GAA: variants seen among roughly 807,000 people sequenced by gnomAD.
GAA encodes lysosomal alpha-glucosidase.
In GAA, 88 loss-of-function variants were observed where a neutral mutation model predicts 103.9. The observed-to-expected ratio is 0.85, with a 90% CI of 0.71 to 1.01. The LOEUF is 1.01. Ranked by LOEUF, GAA falls within the 50% of genes least tolerant of loss-of-function variation. GAA has a pLI of 0.00. For synonymous variants in GAA, 572 were observed against 563.1 expected, an observed-to-expected ratio of 1.02 and a Z score of -0.22; for missense variants, 1,350 against 1,305.3, an observed-to-expected ratio of 1.03 and a Z score of -0.53.
At chr17:80,105,950 C>T (rs568152860) in intron 3 of GAA, 56 bp downstream of exon 3, 16 of 1,542,680 alleles carry the variant, frequency 1.0e-5, no homozygotes, top group Middle Eastern at 4.7e-4. Flanking sequence ...ATTTCTCACA[C>T]GGCAGGGAGG....
At position 80,107,588 on chromosome 17, in the gene GAA, G is replaced by A; in HGVS notation, c.724G>A (p.Ala242Thr). Residue 242 changes from alanine (A) to threonine (T), a missense_variant, in exon 4 of 20, where the codon GCG becomes ACG. Coordinates refer to ENST00000302262, the MANE Select transcript of GAA (RefSeq NM_000152.5). ...CACGACGGTGGCGCCCCTGTTCTTT[G>A]CGGACCAGTTCCTTCAGCTGTCCAC... The part of the protein sequence containing the change: ...LNTTVAPLFF[A>T]DQFLQLSTSL... The A allele has an allele frequency of 6.2e-7, 1 of 1,613,114 alleles. No homozygotes were observed. The highest frequency in any genetic ancestry group is 8.5e-7 in the Non-Finnish European group (1 of 1,179,888).
At chr17:80,118,899 C>G in intron 19 of GAA, 94 bp downstream of exon 19, 1 of 1,468,950 alleles carries the variant, frequency 6.8e-7, no homozygotes, top group East Asian at 2.4e-5. Context: ...ATGCCAGGAA[C>G]AGAGGATGCT....
In GAA at chr17:80,112,581, G is replaced by A. The variant is rs79795428; in HGVS notation, c.1758G>A (p.Ala586=). ...ACGGTGTCCCCCACCACCCCAGGGC[G>A]CTGGTGAAGGCTCGGGGGACACGCC... ...GLTEAIASHR[A]LVKARGTRPF... The change falls in exon 13 of 20, where the codon GCG becomes GCA. Residue 586 remains alanine, a synonymous_variant. Coordinates refer to ENST00000302262, the MANE Select transcript of GAA (RefSeq NM_000152.5). 1.9e-4 allele frequency: 310 copies of A among 1,613,026 alleles called. 2 individuals are homozygous for A. In the East Asian group the frequency reaches 5.1e-3, roughly 26 times the overall value.
intron 8 of GAA, 39 bp downstream of exon 8, chr17:80,108,867 C>T (rs767148268): frequency 1.2e-5 from 18 of 1,555,196 alleles, no homozygotes; most frequent in African/African-American, 4.1e-5. Context: ...GGAAGGGGGC[C>T]GCCCGGTGCC....
At chr17:80,119,054 C>T (rs1381990204) in intron 19 of GAA, among the ~76,000 whole-genome samples, 1 of 152,206 alleles carries the variant, frequency 6.6e-6, no homozygotes. Flanking sequence ...GCGTTTCTGG[C>T]GTGCGTTAAG....
At position 80,105,776 on chromosome 17, in the gene GAA, G is replaced by A. The variant is rs1407372901; in HGVS notation, c.574G>A (p.Glu192Lys). The A allele has an allele frequency of 2.5e-6, 4 of 1,612,220 alleles. No homozygotes were observed. The highest frequency in any genetic ancestry group is 2.7e-5 in the African/African-American group (2 of 74,916). The stretch of plus-strand genomic sequence containing the variant: ...CAAAGATCCAGCTAACAGGCGCTAC[G>A]AGGTGCCCTTGGAGACCCCGCATGT... ...TIKDPANRRY[E>K]VPLETPHVHS... Residue 192 changes from glutamate (E) to lysine (K), a missense_variant, in exon 3 of 20, where the codon GAG (glutamate) becomes AAG (lysine). Coordinates refer to ENST00000302262, the MANE Select transcript of GAA (RefSeq NM_000152.5).
In GAA at chr17:80,112,065, C is replaced by A. The variant is rs1175728529; in HGVS notation, c.1719C>A (p.Asn573Lys). 6.2e-7 allele frequency: 1 copy of A among 1,614,092 alleles called. No homozygotes were observed. Among genetic ancestry groups the A allele is most frequent in the Admixed American group, 1.7e-5 (1 of 60,036 alleles). The change falls in exon 12 of 20, where the codon AAC becomes AAA. Residue 573 changes from asparagine to lysine, a missense_variant. Physicochemically the swap from Asn to Lys is moderately conservative, Grantham distance 94 (BLOSUM62 0). Coordinates refer to ENST00000302262, the MANE Select transcript of GAA (RefSeq NM_000152.5). ...TCTCCACACACTACAACCTGCACAA[C>A]CTCTACGGCCTGACCGAAGCCATCG... Reference protein sequence around the residue: ...QFLSTHYNLHNLYGLTEAIAS... With the variant: ...QFLSTHYNLHKLYGLTEAIAS...
intron 1 of GAA, among the ~76,000 whole-genome samples, chr17:80,103,009 G>T (rs1032449815): frequency 6.6e-5 from 10 of 152,166 alleles, no homozygotes; most frequent in African/African-American, 2.4e-4. Context: ...CAGAAGTGTG[G>T]GTAAAATGTT....
At chr17:80,112,252 G>A in intron 12 of GAA, 152 bp downstream of exon 12, 2 of 759,434 alleles carry the variant, frequency 2.6e-6, no homozygotes, top group Non-Finnish European at 4.5e-6. Context: ...CCCGCTGCCT[G>A]CACCCCAGCC....
chr17:80,117,803 G>C, intron 17 of GAA, 54 bp downstream of exon 17: 13 of 1,547,368 alleles, frequency 8.4e-6, no homozygotes, highest in South Asian at 1.2e-5. Context: ...TGCAGAGCTG[G>C]GGGAGGCACA....
chr17:80,115,508 G>C (rs1205745636), intron 15 of GAA, among the ~76,000 whole-genome samples: 1 of 152,148 alleles, frequency 6.6e-6, no homozygotes, highest in Non-Finnish European at 1.5e-5. Context: ...CGGTTTCGCT[G>C]AGCTCTTTGA....
At position 80,118,190 on chromosome 17, in the gene GAA, C is replaced by CA. The variant is rs767506830; in HGVS notation, c.2482-2dup. 9.3e-6 allele frequency: 15 copies of CA among 1,612,946 alleles called. No individual in the cohort carries two copies. In the East Asian group the frequency reaches 3.3e-4, roughly 36 times the overall value. On this transcript the variant is annotated splice_polypyrimidine_tract_variant and splice_region_variant and intron_variant, in intron 17 of 19. Coordinates refer to ENST00000302262, the MANE Select transcript of GAA (RefSeq NM_000152.5). The stretch of plus-strand genomic sequence containing the variant: ...ATGACATCACGTGTCCTTCCCTTTC[C>CA]AGGGCCCTGGCCTCACAACCACAGA...
At chr17:80,111,328 A>G (rs1284862760) in intron 11 of GAA, among the ~76,000 whole-genome samples, 6 of 152,156 alleles carry the variant, frequency 3.9e-5, no homozygotes, top group South Asian at 4.1e-4. Context: ...GCGGAGACCT[A>G]CCCACCCGTG....
At chr17:80,111,370 C>T (rs376067617) in intron 11 of GAA, among the ~76,000 whole-genome samples, 2 of 152,176 alleles carry the variant, frequency 1.3e-5, no homozygotes, top group South Asian at 2.1e-4. Flanking sequence ...GAATGCAGCA[C>T]GGGCAAGTGG....
At position 80,110,826 on chromosome 17, in the gene GAA, G is replaced by A. The variant is rs748047271; in HGVS notation, c.1537G>A (p.Asp513Asn). 11 of 1,613,996 alleles carry A rather than the reference G, an allele frequency of 6.8e-6. No individual in the cohort carries two copies. Among genetic ancestry groups the A allele is most frequent in the Middle Eastern group, 1.6e-4 (1 of 6,084 alleles). ...TGAGTTCCATGACCAGGTGCCCTTC[G>A]ACGGCATGTGGATTGTAAGTGTGGC... Reference protein sequence around the residue: ...VAEFHDQVPFDGMWIDMNEPS... With the variant: ...VAEFHDQVPFNGMWIDMNEPS... The change falls in exon 10 of 20, where the codon GAC becomes AAC. Residue 513 changes from aspartate (D) to asparagine (N), a missense_variant. Transcript: ENST00000302262.
At chr17:80,118,071 T>G in intron 17 of GAA, 122 bp from the exon 18 acceptor site, 6 of 1,141,964 alleles carry the variant, frequency 5.3e-6, no homozygotes, top group Non-Finnish European at 5.0e-6. Flanking sequence ...CGGCCGCAGG[T>G]GTTCCTGCAG....
At chr17:80,114,516 A>G (rs2039320634) in intron 15 of GAA, among the ~76,000 whole-genome samples, 1 of 151,736 alleles carries the variant, frequency 6.6e-6, no homozygotes, top group Non-Finnish European at 1.5e-5. Context: ...TTTCAATAGC[A>G]TAAAAAAGCT....
chr17:80,117,773 T>TG lies in GAA; in HGVS notation c.2481+29dup, dbSNP rs751690599. On this transcript the variant is annotated intron_variant, in intron 17 of 19. Coordinates refer to ENST00000302262, the MANE Select transcript of GAA (RefSeq NM_000152.5). ...AGGTACCTGGGCCAGGCGGCTATGGTGGGGGTGTGGACAGCACACTGCAGA... is the reference window on the plus strand; with the variant it reads ...AGGTACCTGGGCCAGGCGGCTATGGTGGGGGGTGTGGACAGCACACTGCAGA... The TG allele has an allele frequency of 2.5e-6, 4 of 1,594,680 alleles. No individual in the cohort carries two copies. The Admixed American group carries it at 7.0e-5, about 28-fold the overall frequency.
Position 80,104,034 on chromosome 17 carries a change from G to A in GAA, c.-32-521G>A, listed in dbSNP as rs115060925. 4.6e-4 allele frequency among the ~76,000 whole-genome samples: 70 copies of A among 152,270 alleles called. No individual in the cohort carries two copies. Among genetic ancestry groups the A allele is most frequent in the African/African-American group, 1.6e-3 (67 of 41,548 alleles). On this transcript the variant is annotated intron_variant, in intron 1 of 19. Transcript: ENST00000302262. This position sits in a 1 kb window ranked among gnomAD's most constrained non-coding sequence, Gnocchi z 4.0. ...ATCCCAGCACTTCGGAAGGCCAAGG[G>A]GGGTGGATCACTTGAGCTCAGGAGT...
Sources: gnomAD v4.1 joint callset for allele counts (sites outside exome capture counted in the v4.1 genomes callset) on GRCh38, gnomAD v4.1.1 for gene constraint, Gnocchi (gnomAD v3.1) non-coding constraint, MANE v1.5 for transcripts, NCBI Gene and HGNC (gene_info 2026-07-23, HGNC 2026-07-21) for gene names.